GNAI1: variants seen among roughly 807,000 people sequenced by gnomAD.
GNAI1 encodes guanine nucleotide-binding protein G(i) subunit alpha-1.
A neutral mutation model predicts 38.9 loss-of-function variants in GNAI1; 11 were observed. The observed-to-expected ratio is 0.28, with a 90% CI of 0.18 to 0.47. The LOEUF is 0.47. Ranked by LOEUF, GNAI1 falls within the 20% of genes least tolerant of loss-of-function variation. The pLI, the probability that GNAI1 is intolerant of heterozygous loss-of-function variation, is 0.99. For synonymous variants in GNAI1, 166 were observed against 145.1 expected (o/e 1.14, Z -1.04); for missense variants, 317 against 436.9 (o/e 0.73, Z 2.45).
At chr7:80,157,763 G>A (rs931588289) in intron 1 of GNAI1, among the ~76,000 whole-genome samples, 5 of 152,192 alleles carry the variant, frequency 3.3e-5, no homozygotes, top group African/African-American at 1.2e-4. Context: ...TGCAAATGCA[G>A]TGGCATGATC....
At chr7:80,143,237 T>C (rs1310284773) in intron 1 of GNAI1, among the ~76,000 whole-genome samples, 1 of 152,118 alleles carries the variant, frequency 6.6e-6, no homozygotes, top group African/African-American at 2.4e-5. Flanking sequence ...AAATACAATA[T>C]ATACATAAAG....
Position 80,220,270 on chromosome 7 carries a change from A to G in GNAI1, c.*2777A>G, listed in dbSNP as rs911939579. The stretch of plus-strand genomic sequence containing the variant: ...ATGTGATATGCTTAGAGCAGTGCCT[A>G]CAATGTGGGAAGTGTTCATTTGTGT... On this transcript the variant is annotated 3_prime_UTR_variant, in exon 8 of 8. Transcript: ENST00000649796. Among the ~76,000 whole-genome samples the G allele has an allele frequency of 5.9e-5, 9 of 152,224 alleles. No individual in the cohort carries two copies. The highest frequency in any genetic ancestry group is 2.1e-4 in the South Asian group (1 of 4,830).
intron 1 of GNAI1, chr7:80,135,841 A>G (rs1787404750): frequency 1.0e-6 from 1 of 985,238 alleles, no homozygotes. Context: ...TTAAGTGGTC[A>G]AGGAGCGCTG....
At chr7:80,158,260 A>G (rs1178622298) in intron 1 of GNAI1, among the ~76,000 whole-genome samples, 1 of 152,178 alleles carries the variant, frequency 6.6e-6, no homozygotes, top group African/African-American at 2.4e-5. Flanking sequence ...TCTACAAAAT[A>G]ATTTGCTGGC....
chr7:80,161,624 ACTCT>A (rs1787924938), intron 1 of GNAI1, among the ~76,000 whole-genome samples: 1 of 152,158 alleles, frequency 6.6e-6, no homozygotes, highest in Non-Finnish European at 1.5e-5. Flanking sequence ...TGCAATATAA[ACTCT>A]CTTAGTTTTT....
intron 1 of GNAI1, among the ~76,000 whole-genome samples, chr7:80,176,936 CAAAAAA>C (rs374205117): frequency 2.8e-5 from 2 of 71,252 alleles, no homozygotes; most frequent in Non-Finnish European, 2.6e-5. Context: ...GACTCTGTCT[CAAAAAA>C]AAAAAAAAAA....
Position 80,217,512 on chromosome 7 carries a change from A to T in GNAI1, c.*19A>T, listed in dbSNP as rs761564382. 6.7e-7 allele frequency: 1 copy of T among 1,496,896 alleles called. No individual in the cohort carries two copies. Among genetic ancestry groups the T allele is most frequent in the South Asian group, 1.2e-5 (1 of 80,354 alleles). The allele number at this position is 1,496,896 out of a possible 1,614,324, so 92.7% of individuals were successfully genotyped here. A position where few individuals can be genotyped will look rare whatever the true frequency, so the allele number is the denominator to read the frequency against. On this transcript the variant is annotated 3_prime_UTR_variant, in exon 8 of 8. Coordinates refer to ENST00000649796, the MANE Select transcript of GNAI1 (RefSeq NM_002069.6). ...CTTTTAAGTTTTGCAGTTCATGGTA[A>T]AATGCATTTTCAAACCAAATGAGTA...
intron 1 of GNAI1, among the ~76,000 whole-genome samples, chr7:80,183,382 AT>A (rs1326905147): frequency 6.6e-6 from 1 of 152,248 alleles, no homozygotes; most frequent in African/African-American, 2.4e-5. Flanking sequence ...AAATGCATTT[AT>A]AATTTAGTTT....
At chr7:80,195,975 A>C (rs1277165534) in intron 3 of GNAI1, among the ~76,000 whole-genome samples, 1 of 151,928 alleles carries the variant, frequency 6.6e-6, no homozygotes, top group Non-Finnish European at 1.5e-5. Context: ...GACAGCCATC[A>C]TGCTCCCTTA....
chr7:80,170,278 ATTC>A (rs1360348476), intron 1 of GNAI1, among the ~76,000 whole-genome samples: 3 of 152,176 alleles, frequency 2.0e-5, no homozygotes, highest in Non-Finnish European at 2.9e-5. Context: ...AGATTCCATA[ATTC>A]TTCTACATTT....
chr7:80,175,245 T>C (rs1190386657), intron 1 of GNAI1, among the ~76,000 whole-genome samples: 1 of 152,168 alleles, frequency 6.6e-6, no homozygotes, highest in Non-Finnish European at 1.5e-5. Flanking sequence ...AAAATAAAAA[T>C]ATTTAAAAAC....
rs192882787 is a variant in GNAI1 at position 80,181,853 on chromosome 7, C to T, written c.119-7098C>T. Among the ~76,000 whole-genome samples the T allele has an allele frequency of 1.5e-4, 23 of 152,194 alleles. 1 individual carries two copies. Among genetic ancestry groups the T allele is most frequent in the African/African-American group, 4.6e-4 (19 of 41,530 alleles). ...AATTAAGTCAGGCTAATTAACGTAT[C>T]CATCATCTTGCATACATACCATTTT... On this transcript the variant is annotated intron_variant, in intron 1 of 7. Transcript: ENST00000649796.
rs138780899 is a variant in GNAI1 at position 80,178,496 on chromosome 7, C to T, written c.119-10455C>T. Among the ~76,000 whole-genome samples, 5 of 152,320 alleles carry T rather than the reference C, an allele frequency of 3.3e-5. No individual in the cohort carries two copies. In the East Asian group the frequency reaches 9.6e-4, roughly 29 times the overall value. On this transcript the variant is annotated intron_variant, in intron 1 of 7. Coordinates refer to ENST00000649796, the MANE Select transcript of GNAI1 (RefSeq NM_002069.6). ...AAGAAATTGCCACAGCCACCCTCAA[C>T]TTTCACCAACACTACCCTGATCAGT...
At chr7:80,214,540 G>A (rs954304625) in intron 7 of GNAI1, among the ~76,000 whole-genome samples, 1 of 152,156 alleles carries the variant, frequency 6.6e-6, no homozygotes, top group Admixed American at 6.5e-5. Flanking sequence ...TTTTGCTTAA[G>A]TTAATAAGAA....
intron 4 of GNAI1, among the ~76,000 whole-genome samples, chr7:80,203,026 A>G (rs1276375948): frequency 2.0e-5 from 3 of 152,218 alleles, no homozygotes; most frequent in Admixed American, 1.3e-4. Flanking sequence ...ATTACTGACT[A>G]TACCATATAA....
intron 1 of GNAI1, among the ~76,000 whole-genome samples, chr7:80,178,525 C>G (rs1584030281): frequency 6.6e-6 from 1 of 152,164 alleles, no homozygotes; most frequent in African/African-American, 2.4e-5. Flanking sequence ...GATCAGTTGG[C>G]AGCCATCACC....
chr7:80,174,295 C>G (rs1032829914), intron 1 of GNAI1, among the ~76,000 whole-genome samples: 5 of 151,994 alleles, frequency 3.3e-5, no homozygotes, highest in Non-Finnish European at 7.4e-5. Flanking sequence ...GATCATTGTT[C>G]TGAGTTTTAA....
At chr7:80,212,468 C>T (rs1051021240) in intron 6 of GNAI1, among the ~76,000 whole-genome samples, 2 of 152,166 alleles carry the variant, frequency 1.3e-5, no homozygotes, top group Non-Finnish European at 2.9e-5. Context: ...AGGATATTCC[C>T]TGGCACAGAG....
At chr7:80,157,931 A>T (rs1787847814) in intron 1 of GNAI1, among the ~76,000 whole-genome samples, 1 of 150,892 alleles carries the variant, frequency 6.6e-6, no homozygotes, top group Admixed American at 6.6e-5. Context: ...CTAGTCTTGA[A>T]CTCCTGACCT....
Sources: gnomAD v4.1 joint callset for allele counts (sites outside exome capture counted in the v4.1 genomes callset) on GRCh38, gnomAD v4.1.1 for gene constraint, MANE v1.5 for transcripts, NCBI Gene and HGNC (gene_info 2026-07-23, HGNC 2026-07-21) for gene names.